WDR3: variants seen among roughly 807,000 people sequenced by gnomAD.
WDR3 encodes the protein WD repeat domain 3.
A neutral mutation model predicts 123.7 loss-of-function variants in WDR3; 81 were observed. The ratio of observed to expected loss-of-function variants is 0.65; its 90% confidence interval spans 0.55 to 0.79. The LOEUF (loss-of-function observed/expected upper bound fraction) is 0.79, where lower values mean the gene tolerates loss of function less well. WDR3 is among the 30% of genes least tolerant of loss of function. The pLI is 0.00. For synonymous variants in WDR3, 390 were observed against 388.8 expected (o/e 1.00, Z -0.04); for missense variants, 1,027 against 1,123.2 (o/e 0.91, Z 1.22).
chr1:117,955,119 G>A (rs964529556), intron 23 of WDR3, 196 bp from the exon 24 acceptor site: 6 of 474,274 alleles, frequency 1.3e-5, no homozygotes, highest in African/African-American at 1.0e-4. Context: ...TTGACTTGTA[G>A]CATAGTTGGT....
chr1:117,937,246 G>A (rs533794879), intron 4 of WDR3, among the ~76,000 whole-genome samples: 8 of 152,106 alleles, frequency 5.3e-5, no homozygotes, highest in Admixed American at 3.9e-4. Flanking sequence ...TGTTAAATTC[G>A]GCTTGCCTTT....
intron 6 of WDR3, 88 bp downstream of exon 6, chr1:117,939,660 C>A: frequency 7.8e-7 from 1 of 1,290,084 alleles, no homozygotes; most frequent in Non-Finnish European, 1.1e-6. Flanking sequence ...TTCAGTACTT[C>A]ACATCATATT....
Position 117,960,708 on chromosome 1 carries a change from C to T in WDR3, c.*1261C>T, listed in dbSNP as rs539531521. ...GCTGTGAAATTATTTCAGTAACATA[C>T]TGTGTATTACAGTTCATTTTATGCA... On this transcript the variant is annotated 3_prime_UTR_variant, in exon 27 of 27. Coordinates refer to ENST00000349139, the MANE Select transcript of WDR3 (RefSeq NM_006784.3). 1.7e-4 allele frequency: 26 copies of T among 152,332 alleles called. No homozygotes were observed. The highest frequency in any genetic ancestry group is 6.0e-4 in the African/African-American group (25 of 41,566). The allele number at this position is 152,332 out of a possible 1,614,324, so 9.4% of individuals were successfully genotyped here.
rs1653427151 is a variant in WDR3 at position 117,963,728 on chromosome 1, A to C, written c.*4281A>C. ...AGGTTTCTGACTATAAGAAGAGGGG[A>C]AGAAACCTGGGGTCTAATACCTCAA... On this transcript the variant is annotated 3_prime_UTR_variant, in exon 27 of 27. Coordinates refer to ENST00000349139, the MANE Select transcript of WDR3 (RefSeq NM_006784.3). 4 of 1,409,086 alleles carry C rather than the reference A, an allele frequency of 2.8e-6. No homozygotes were observed. The South Asian group carries it at 5.4e-5, about 19-fold the overall frequency. 87.3% of individuals were successfully genotyped at this position (1,409,086 alleles called of 1,614,324 possible). A position where few individuals can be genotyped will look rare whatever the true frequency, so the allele number is the denominator to read the frequency against.
At chr1:117,947,407 A>G (rs990650027) in intron 12 of WDR3, among the ~76,000 whole-genome samples, 4 of 152,224 alleles carry the variant, frequency 2.6e-5, no homozygotes, top group African/African-American at 9.6e-5. Flanking sequence ...TTGCTTCAAC[A>G]AAAAAATGTA....
intron 4 of WDR3, 85 bp downstream of exon 4, chr1:117,936,972 T>A: frequency 3.6e-6 from 4 of 1,125,924 alleles, no homozygotes; most frequent in Non-Finnish European, 5.2e-6. Context: ...TCATGAGCAG[T>A]GTGCTCATGC....
chr1:117,955,132 G>A (rs1651979961), intron 23 of WDR3, 183 bp from the exon 24 acceptor site: 2 of 481,938 alleles, frequency 4.1e-6, no homozygotes, highest in Non-Finnish European at 7.3e-6. Flanking sequence ...TAGTTGGTAA[G>A]GGGCAGAGTT....
intron 24 of WDR3, among the ~76,000 whole-genome samples, chr1:117,956,472 A>C (rs1263172913): frequency 6.6e-6 from 1 of 152,234 alleles, no homozygotes; most frequent in Non-Finnish European, 1.5e-5. Context: ...GGAATGTAAA[A>C]GAAAATTGAT....
intron 15 of WDR3, among the ~76,000 whole-genome samples, chr1:117,950,421 G>A (rs1651568199): frequency 6.6e-6 from 1 of 152,110 alleles, no homozygotes; most frequent in African/African-American, 2.4e-5. Context: ...GGTGTCCTGG[G>A]CAGTGATTTC....
chr1:117,944,956 G>T (rs1469706223), intron 11 of WDR3, among the ~76,000 whole-genome samples: 1 of 152,056 alleles, frequency 6.6e-6, no homozygotes, highest in Non-Finnish European at 1.5e-5. Flanking sequence ...GTCTCCCAAA[G>T]TGCTGGGATT....
intron 22 of WDR3, 41 bp from the exon 23 acceptor site, chr1:117,954,539 C>T (rs772301433): frequency 4.4e-6 from 7 of 1,594,386 alleles, no homozygotes; most frequent in Non-Finnish European, 5.2e-6. Flanking sequence ...CTACCTAAGT[C>T]TCAGTTTTTT....
rs761742387 is a variant in WDR3, at chr1:117,952,072, G to A, written c.1900G>A (p.Asp634Asn). Reference sequence around the variant, plus strand: ...CCACAAGTCTCTCTTTGCACATGATGACAGGTATGTATAGTCTTTTCAAAT... The same window carrying A: ...CCACAAGTCTCTCTTTGCACATGATAACAGGTATGTATAGTCTTTTCAAAT... ...DCHKSLFAHD[D>N]SVMYLQFVPK... The change falls in exon 17 of 27, where the codon GAC becomes AAC. Residue 634 changes from aspartate to asparagine, a missense_variant. Physicochemically the swap from Asp to Asn is conservative, Grantham distance 23. Coordinates refer to ENST00000349139, the MANE Select transcript of WDR3 (RefSeq NM_006784.3). The A allele has an allele frequency of 1.2e-6, 2 of 1,613,098 alleles. No homozygotes were observed. Among genetic ancestry groups the A allele is most frequent in the East Asian group, 4.5e-5 (2 of 44,868 alleles).
At chr1:117,942,679 C>T (rs1651213814) in intron 10 of WDR3, 135 bp downstream of exon 10, 3 of 740,902 alleles carry the variant, frequency 4.0e-6, no homozygotes, top group Admixed American at 2.7e-5. Flanking sequence ...CTGTGTCACA[C>T]TCTGCTCCTG....
intron 1 of WDR3, among the ~76,000 whole-genome samples, 192 bp from the exon 2 acceptor site, chr1:117,933,096 C>T (rs979074897): frequency 6.6e-6 from 1 of 151,210 alleles, no homozygotes; most frequent in Non-Finnish European, 1.5e-5. Context: ...CCCAGCTACT[C>T]GGGAGGCTGA....
chr1:117,939,217 G>T (rs1651053955), intron 5 of WDR3, among the ~76,000 whole-genome samples: 1 of 152,200 alleles, frequency 6.6e-6, no homozygotes, highest in Admixed American at 6.5e-5. Flanking sequence ...ATGCTGAACA[G>T]CCATTATCTT....
Position 117,947,887 on chromosome 1 carries a change from A to AT in WDR3, c.1423-509dup, listed in dbSNP as rs200384270. 4.3e-3 allele frequency among the ~76,000 whole-genome samples: 651 copies of AT among 151,802 alleles called. 5 individuals carry two copies. Among genetic ancestry groups the AT allele is most frequent in the African/African-American group, 0.015 (620 of 41,388 alleles). On this transcript the variant is annotated intron_variant, in intron 12 of 26. Coordinates refer to ENST00000349139, the MANE Select transcript of WDR3 (RefSeq NM_006784.3). ...AGTGATTGCTTTCTATGCCATTATG[A>AT]TTTTTTTTTAAATTCACTGCCTTCC... is the stretch of plus-strand genomic sequence containing the variant.
At chr1:117,944,771 G>A (rs1052296333) in intron 11 of WDR3, among the ~76,000 whole-genome samples, 3 of 152,122 alleles carry the variant, frequency 2.0e-5, no homozygotes, top group East Asian at 1.9e-4. Flanking sequence ...ATGTGATCTC[G>A]CCTCACTGCA....
rs1302496762 is a variant in WDR3 at position 117,961,612 on chromosome 1, G to A, written c.*2165G>A. ...GTCATTGCAACCAAGTTACTGTGTT[G>A]TGGGGCCACCATTTTCTTCTAGGCT... is the stretch of plus-strand genomic sequence containing the variant. On this transcript the variant is annotated 3_prime_UTR_variant, in exon 27 of 27. Coordinates refer to ENST00000349139, the MANE Select transcript of WDR3 (RefSeq NM_006784.3). 1 of 152,130 alleles carries A rather than the reference G, an allele frequency of 6.6e-6. No homozygotes were observed. Among genetic ancestry groups the A allele is most frequent in the Non-Finnish European group, 1.5e-5 (1 of 68,016 alleles). 9.4% of individuals were successfully genotyped at this position (152,130 alleles called of 1,614,324 possible). A position where few individuals can be genotyped will look rare whatever the true frequency, so the allele number is the denominator to read the frequency against.
chr1:117,966,311 A>AT lies in WDR3; in HGVS notation c.*6871dup, dbSNP rs1305699216. On this transcript the variant is annotated 3_prime_UTR_variant, in exon 27 of 27. Transcript: ENST00000349139. ...TTTCCTATCCTTCCATAAAATTATAATTTTTTTGTGATAGATACTTGCTGT... is the reference window on the plus strand; with the variant it reads ...TTTCCTATCCTTCCATAAAATTATAATTTTTTTTGTGATAGATACTTGCTGT... 7 of 223,514 alleles carry AT rather than the reference A, an allele frequency of 3.1e-5. No homozygotes were observed. The highest frequency in any genetic ancestry group is 1.9e-4 in the East Asian group (2 of 10,476). 13.8% of individuals were successfully genotyped at this position (223,514 alleles called of 1,614,324 possible).
Sources: allele counts gnomAD v4.1 joint callset (sites outside exome capture counted in the v4.1 genomes callset), GRCh38; gene constraint gnomAD v4.1.1; transcripts MANE v1.5; gene names NCBI Gene and HGNC (gene_info 2026-07-23, HGNC 2026-07-21).